The following NSD1 variants were observed in gnomAD, a reference collection of about 807,000 sequenced individuals.
The protein encoded by NSD1 is nuclear receptor binding SET domain protein 1.
In NSD1, 26 loss-of-function variants were observed where a neutral mutation model predicts 242.7. The observed-to-expected ratio is 0.11, with a 90% confidence interval of 0.08 to 0.15. The LOEUF (loss-of-function observed/expected upper bound fraction) is 0.15. NSD1 is among the 10% of genes least tolerant of loss of function. The pLI is 1.00. For synonymous variants in NSD1, 1,106 were observed against 1,178.1 expected (o/e 0.94, Z 1.25); for missense variants, 2,495 against 3,272.8 (o/e 0.76, Z 5.80).
intron 8 of NSD1, 141 bp from the exon 9 acceptor site, chr5:177,244,054 T>C (rs1766092926): frequency 7.3e-6 from 5 of 687,954 alleles, no homozygotes; most frequent in Non-Finnish European, 1.3e-5. Flanking sequence ...CCCTTTACTG[T>C]GGTCAGGTTG....
Position 177,134,747 on chromosome 5 carries a change from C to G in NSD1, c.-17-340C>G, listed in dbSNP as rs116419640. On this transcript the variant is annotated intron_variant, in intron 1 of 22. Coordinates refer to ENST00000439151, the MANE Select transcript of NSD1 (RefSeq NM_022455.5). This position sits in a 1 kb window ranked among gnomAD's most constrained non-coding sequence, Gnocchi z 4.2. ...TTTGAGAGATCCAGCTGCTCGACCC[C>G]TGGCGAGGGAGGGGGAGGACTAGTC... 6.6e-6 allele frequency among the ~76,000 whole-genome samples: 1 copy of G among 152,326 alleles called. No homozygotes were observed. The highest frequency in any genetic ancestry group is 2.1e-4 in the South Asian group (1 of 4,828).
At chr5:177,234,139 A>T (rs1429061752) in intron 5 of NSD1, among the ~76,000 whole-genome samples, 2 of 152,242 alleles carry the variant, frequency 1.3e-5, no homozygotes, top group Admixed American at 6.5e-5. Context: ...AATGTGTAAC[A>T]TCCTTACATA....
chr5:177,229,723 A>T (rs1317196966), intron 5 of NSD1: 1 of 400,844 alleles, frequency 2.5e-6, no homozygotes, highest in South Asian at 1.7e-5. Flanking sequence ...GCCTAGCAAC[A>T]GCCAGGAAGC....
chr5:177,275,212 T>C lies in NSD1; in HGVS notation c.5622+1428T>C, dbSNP rs77590538. Among the ~76,000 whole-genome samples the C allele has an allele frequency of 5.5e-3, 833 of 152,120 alleles. 6 individuals carry two copies. The highest frequency in any genetic ancestry group is 0.019 in the African/African-American group (770 of 41,484). ...CTAGATGACTTGGATTTTTATTTGCTAAATCTGATAACCCTACCGAAATCA... is the reference window on the plus strand; with the variant it reads ...CTAGATGACTTGGATTTTTATTTGCCAAATCTGATAACCCTACCGAAATCA... On this transcript the variant is annotated intron_variant, in intron 17 of 22. Transcript: ENST00000439151.
In NSD1 at chr5:177,267,739, T is replaced by C. The variant is rs775631434; in HGVS notation, c.5303+21T>C. ...TACAGGTAAGCCTGAAGAATAGCACTCATCTCTTTTACCATCCTCTGTTTC... is the reference window on the plus strand; with the variant it reads ...TACAGGTAAGCCTGAAGAATAGCACCCATCTCTTTTACCATCCTCTGTTTC... On this transcript the variant is annotated intron_variant, in intron 15 of 22. Transcript: ENST00000439151. 3 of 1,611,482 alleles carry C rather than the reference T, an allele frequency of 1.9e-6. No individual in the cohort carries two copies. The Admixed American group carries it at 5.0e-5, about 27-fold the overall frequency.
chr5:177,144,015 C>T (rs1757033611), intron 2 of NSD1, among the ~76,000 whole-genome samples: 1 of 152,192 alleles, frequency 6.6e-6, no homozygotes, highest in Non-Finnish European at 1.5e-5. Context: ...CTCCTGACCT[C>T]AGGTGATCGA....
At chr5:177,160,146 C>T (rs1758622372) in intron 2 of NSD1, among the ~76,000 whole-genome samples, 1 of 152,122 alleles carries the variant, frequency 6.6e-6, no homozygotes, top group South Asian at 2.1e-4. Flanking sequence ...CTGCCTCCGC[C>T]TTCCCAAGTG....
intron 2 of NSD1, among the ~76,000 whole-genome samples, chr5:177,164,945 T>C (rs1238318674): frequency 3.4e-5 from 5 of 146,218 alleles, no homozygotes; most frequent in Non-Finnish European, 7.5e-5. Context: ...CTCTGTCTCA[T>C]TAAAAAAAAA....
Position 177,212,216 on chromosome 5 carries a change from T to TAA in NSD1, c.3796+33_3796+34dup, listed in dbSNP as rs35159794. The TAA allele has an allele frequency of 6.4e-3, 8,696 of 1,367,670 alleles. 1 individual carries two copies. The highest frequency in any genetic ancestry group is 0.039 in the East Asian group (1,497 of 38,448). 84.7% of individuals were successfully genotyped at this position (1,367,670 alleles called of 1,614,324 possible). On this transcript the variant is annotated intron_variant, in intron 5 of 22. Coordinates refer to ENST00000439151, the MANE Select transcript of NSD1 (RefSeq NM_022455.5). Reference sequence around the variant, plus strand: ...ACCAGGTAAGGACATCTAAATGTGATAAAAAAAAAAAAATTGGAGAAAGTG... The same window carrying TAA: ...ACCAGGTAAGGACATCTAAATGTGATAAAAAAAAAAAAAAATTGGAGAAAGTG...
rs1459501656 is a variant in NSD1 at position 177,269,785 on chromosome 5, A to G, written c.5487A>G (p.Gly1829=). The change falls in exon 16 of 23, where the codon GGA becomes GGG. Residue 1829 remains glycine (G), a synonymous_variant. Transcript: ENST00000439151. The surrounding 1 kb of genome is among the most constrained non-coding windows in gnomAD (Gnocchi z 5.1). ...DVSSKDKMGK[G]VDGTYKKALQ... is the part of the protein sequence containing the mutation. The stretch of plus-strand genomic sequence containing the variant: ...GCAGCAAGGATAAGATGGGCAAAGG[A>G]GTGGATGGGACATATAAAAAAGGTA... The G allele has an allele frequency of 6.2e-7, 1 of 1,613,844 alleles. No homozygotes were observed. The highest frequency in any genetic ancestry group is 8.5e-7 in the Non-Finnish European group (1 of 1,179,916).
intron 16 of NSD1, among the ~76,000 whole-genome samples, 171 bp from the exon 17 acceptor site, chr5:177,273,501 T>C (rs1018188450): frequency 3.3e-5 from 5 of 152,180 alleles, no homozygotes; most frequent in Non-Finnish European, 7.4e-5. Context: ...TGGACTACAT[T>C]ACCTGTTTGA....
rs961502921 is a variant in NSD1, at chr5:177,204,115, C to T, written c.1064-5C>T. The T allele has an allele frequency of 6.2e-7, 1 of 1,613,578 alleles. No homozygotes were observed. Among genetic ancestry groups the T allele is most frequent in the African/African-American group, 1.3e-5 (1 of 74,916 alleles). On this transcript the variant is annotated splice_region_variant and splice_polypyrimidine_tract_variant and intron_variant, in intron 3 of 22. Transcript: ENST00000439151. Reference sequence around the variant, plus strand: ...AATGATTCTGGTTCTCTTACCCTTACCTAGTTTCCAACCGGAGGCCCTATC... The same window carrying T: ...AATGATTCTGGTTCTCTTACCCTTATCTAGTTTCCAACCGGAGGCCCTATC...
chr5:177,141,572 C>A (rs1409145262), intron 2 of NSD1, among the ~76,000 whole-genome samples: 1 of 151,858 alleles, frequency 6.6e-6, no homozygotes, highest in African/African-American at 2.4e-5. Context: ...TCAAGTGATC[C>A]ACCTGCTTCA....
chr5:177,298,724 G>C lies in NSD1; in HGVS notation c.*3265G>C, dbSNP rs572861215. 1.7e-5 allele frequency: 4 copies of C among 233,276 alleles called. No individual in the cohort carries two copies. In the East Asian group the frequency reaches 2.4e-4, roughly 14 times the overall value. 14.5% of individuals were successfully genotyped at this position (233,276 alleles called of 1,614,324 possible). On this transcript the variant is annotated 3_prime_UTR_variant, in exon 23 of 23. Coordinates refer to ENST00000439151, the MANE Select transcript of NSD1 (RefSeq NM_022455.5). The stretch of plus-strand genomic sequence containing the variant: ...CAGGCTCGGCACTGTCTGCTCACTG[G>C]AGCCGGACTCCCAGGTTGTAATTCT...
rs374408831 is a variant in NSD1 at position 177,209,671 on chromosome 5, T to C, written c.1272T>C (p.Ser424=). The C allele has an allele frequency of 1.9e-6, 3 of 1,613,840 alleles. No individual in the cohort carries two copies. Among genetic ancestry groups the C allele is most frequent in the African/African-American group, 1.3e-5 (1 of 74,866 alleles). Reference sequence around the variant, plus strand: ...AAATTTTGAGTAAATGGGAAGCCAGTGTTGGACTTGCAGAACAGTATGATG... The same window carrying C: ...AAATTTTGAGTAAATGGGAAGCCAGCGTTGGACTTGCAGAACAGTATGATG... ...PQKILSKWEA[S]VGLAEQYDVP... is the part of the protein sequence containing the mutation. The change falls in exon 5 of 23, where the codon AGT becomes AGC. Residue 424 remains serine (S), a synonymous_variant. Coordinates refer to ENST00000439151, the MANE Select transcript of NSD1 (RefSeq NM_022455.5).
chr5:177,287,342 A>G (rs183310629), intron 20 of NSD1, among the ~76,000 whole-genome samples: 121 of 152,356 alleles, frequency 7.9e-4, no homozygotes, highest in Admixed American at 3.7e-3. Flanking sequence ...TCTTTTATTA[A>G]GAAAAAGACA....
At position 177,211,347 on chromosome 5, in the gene NSD1, G is replaced by A. The variant is rs2149846668; in HGVS notation, c.2948G>A (p.Gly983Asp). 6.2e-7 allele frequency: 1 copy of A among 1,614,126 alleles called. No homozygotes were observed. Among genetic ancestry groups the A allele is most frequent in the Admixed American group, 1.7e-5 (1 of 60,020 alleles). Residue 983 changes from glycine to aspartate, a missense_variant, in exon 5 of 23, where the codon GGT becomes GAT. Physicochemically the swap from Gly to Asp is moderately conservative, Grantham distance 94. Transcript: ENST00000439151. ...QNSANPSPSG[G>D]DSALSGELSA... ...TCCGCCAATCCTAGCCCTAGTGGGGGTGACTCTGCATTATCTGGCGAGTTG... is the reference window on the plus strand; with the variant it reads ...TCCGCCAATCCTAGCCCTAGTGGGGATGACTCTGCATTATCTGGCGAGTTG...
rs1417236940 is a variant in NSD1, at chr5:177,135,686, T to G, written c.583T>G (p.Tyr195Asp). The change falls in exon 2 of 23, where the codon TAT (tyrosine) becomes GAT (aspartate). Residue 195 changes from tyrosine (Y) to aspartate (D), a missense_variant. Physicochemically the swap from Tyr to Asp is radical, Grantham distance 160. This residue lies in a region of NSD1 where 376 missense variants were observed against 367.4 expected (regional missense o/e 1.02). Transcript: ENST00000439151. ...AACTCAGACCAATGCCACCTGCAAT[T>G]ATGAGACTAAATCAGAGAATGGTGT... ...EETQTNATCN[Y>D]ETKSENGVKV... is the part of the protein sequence containing the mutation. 5.0e-6 allele frequency: 8 copies of G among 1,614,032 alleles called. No homozygotes were observed. The highest frequency in any genetic ancestry group is 1.1e-5 in the South Asian group (1 of 91,082).
intron 2 of NSD1, among the ~76,000 whole-genome samples, chr5:177,167,755 A>C (rs1198398212): frequency 6.6e-6 from 1 of 152,146 alleles, no homozygotes; most frequent in Non-Finnish European, 1.5e-5. Flanking sequence ...TGGTGGGCTT[A>C]TCTGGACGTA....
Sources: allele counts gnomAD v4.1 joint callset (sites outside exome capture counted in the v4.1 genomes callset), GRCh38; gene constraint gnomAD v4.1.1; regional missense constraint gnomAD v4.1.1; non-coding constraint Gnocchi (gnomAD v3.1); transcripts MANE v1.5; gene names NCBI Gene and HGNC (gene_info 2026-07-23, HGNC 2026-07-21).